CSPG5: variants seen among roughly 807,000 people sequenced by gnomAD.
The protein encoded by CSPG5 is chondroitin sulfate proteoglycan 5.
In CSPG5, 25 loss-of-function variants were observed where a neutral mutation model predicts 39.8. The ratio of observed to expected loss-of-function variants is 0.63; its 90% confidence interval spans 0.46 to 0.88. The LOEUF is 0.88. CSPG5 is among the 40% of genes least tolerant of loss of function. The pLI is 0.00. For missense variants in CSPG5, 627 were observed against 702.2 expected, an observed-to-expected ratio of 0.89 and a Z score of 1.21; for synonymous variants, 295 against 303.9, an observed-to-expected ratio of 0.97 and a Z score of 0.31.
Position 47,577,721 on chromosome 3 carries a change from T to A in CSPG5, c.305A>T (p.Glu102Val), listed in dbSNP as rs2031820623. Residue 102 changes from glutamate (E) to valine (V), a missense_variant, in exon 2 of 5, where the codon GAA (glutamate) becomes GTA (valine). Transcript: ENST00000264723. This position sits in a 1 kb window ranked among gnomAD's most constrained non-coding sequence, Gnocchi z 4.7. ...SAAVTGTAWLEADSPGLGGVT... is the reference protein window; with the variant it reads ...SAAVTGTAWLVADSPGLGGVT... Reference sequence around the variant, plus strand: ...TCCTCCCAGGCCTGGGCTGTCAGCTTCCAGCCAGGCGGTGCCGGTCACCGC... The same window carrying A: ...TCCTCCCAGGCCTGGGCTGTCAGCTACCAGCCAGGCGGTGCCGGTCACCGC... 6.3e-7 allele frequency: 1 copy of A among 1,579,360 alleles called. No individual in the cohort carries two copies. The highest frequency in any genetic ancestry group is 8.6e-7 in the Non-Finnish European group (1 of 1,167,594).
At position 47,572,839 on chromosome 3, in the gene CSPG5, A is replaced by G. The variant is rs756484122; in HGVS notation, c.1229T>C (p.Met410Thr). The part of the protein sequence containing the change: ...NTQDYIWHKG[M>T]RCESIITDFQ... ...GTCGGTGATGATGGACTCGCAGCGC[A>G]TCCCCTTGTGCCAGATGTAGTCCTG... is the stretch of plus-strand genomic sequence containing the variant. The change falls in exon 3 of 5, where the codon ATG (methionine) becomes ACG (threonine). Residue 410 changes from methionine to threonine, a missense_variant. Transcript: ENST00000264723. The surrounding 1 kb of genome is among the most constrained non-coding windows in gnomAD (Gnocchi z 4.5). The G allele has an allele frequency of 1.2e-6, 2 of 1,613,920 alleles. No individual in the cohort carries two copies. Among genetic ancestry groups the G allele is most frequent in the South Asian group, 1.1e-5 (1 of 91,040 alleles).
At chr3:47,570,885 A>C (rs1000966172) in intron 3 of CSPG5, among the ~76,000 whole-genome samples, 1 of 152,178 alleles carries the variant, frequency 6.6e-6, no homozygotes, top group Non-Finnish European at 1.5e-5. Flanking sequence ...AACAATATGA[A>C]CAGCTAGGAA....
intron 4 of CSPG5, 153 bp downstream of exon 4, chr3:47,568,999 T>C: frequency 1.5e-6 from 2 of 1,343,946 alleles, no homozygotes; most frequent in Non-Finnish European, 2.0e-6. Context: ...TTTCATATTC[T>C]GAAATAGACA....
intron 2 of CSPG5, among the ~76,000 whole-genome samples, chr3:47,573,357 C>T (rs1024040163): frequency 6.6e-6 from 1 of 152,210 alleles, no homozygotes; most frequent in Non-Finnish European, 1.5e-5. Context: ...TGCAGTCCCA[C>T]CTAGTTCACG....
chr3:47,574,857 T>A (rs1046863410), intron 2 of CSPG5, among the ~76,000 whole-genome samples: 46 of 152,124 alleles, frequency 3.0e-4, no homozygotes, highest in African/African-American at 1.1e-3. Flanking sequence ...GAGAATGGCA[T>A]GAACCTGGGA....
intron 3 of CSPG5, 59 bp from the exon 4 acceptor site, chr3:47,569,286 A>G: frequency 6.5e-7 from 1 of 1,537,430 alleles, no homozygotes; most frequent in African/African-American, 1.4e-5. Context: ...GCAAAACATG[A>G]CAATGTCTCA....
At position 47,577,512 on chromosome 3, in the gene CSPG5, G is replaced by A; in HGVS notation, c.514C>T (p.Pro172Ser). ...SPASELPKESPLEVWLNLGGS... is the reference protein window; with the variant it reads ...SPASELPKESSLEVWLNLGGS... ...CCCAGGTTCAGCCAAACCTCCAAGG[G>A]GCTCTCCTTGGGGAGTTCAGAAGCT... is the stretch of plus-strand genomic sequence containing the variant. Residue 172 changes from proline (P) to serine (S), a missense_variant, in exon 2 of 5, where the codon CCC (proline) becomes TCC (serine). By Grantham distance (74) the Pro-to-Ser change is moderately conservative. Coordinates refer to ENST00000264723, the MANE Select transcript of CSPG5 (RefSeq NM_006574.4). The surrounding 1 kb of genome is among the most constrained non-coding windows in gnomAD (Gnocchi z 4.7). 1.2e-6 allele frequency: 2 copies of A among 1,612,922 alleles called. No individual in the cohort carries two copies. Among genetic ancestry groups the A allele is most frequent in the Non-Finnish European group, 1.7e-6 (2 of 1,179,636 alleles).
intron 2 of CSPG5, among the ~76,000 whole-genome samples, chr3:47,574,127 G>A (rs2031621783): frequency 6.6e-6 from 1 of 152,218 alleles, no homozygotes; most frequent in African/African-American, 2.4e-5. Context: ...CTAAGCAAGG[G>A]GAACTGGAGT....
chr3:47,569,019 G>A (rs2031416406), intron 4 of CSPG5, 133 bp downstream of exon 4: 2 of 1,410,050 alleles, frequency 1.4e-6, no homozygotes, highest in Non-Finnish European at 1.9e-6. Context: ...ATCAGACATG[G>A]GCCAGGGGCC....
In CSPG5 at chr3:47,562,577, G is replaced by A. The variant is rs751218844; in HGVS notation, c.*23C>T. 1.0e-5 allele frequency: 10 copies of A among 986,476 alleles called. No individual in the cohort carries two copies. Among genetic ancestry groups the A allele is most frequent in the East Asian group, 6.7e-5 (2 of 29,706 alleles). 61.1% of individuals were successfully genotyped at this position (986,476 alleles called of 1,614,324 possible). Reference sequence around the variant, plus strand: ...CCCCTACCCCCCACCCACTACCCCCGCTTCCTCTCTTCTTGCTCTGCTTTA... The same window carrying A: ...CCCCTACCCCCCACCCACTACCCCCACTTCCTCTCTTCTTGCTCTGCTTTA... On this transcript the variant is annotated 3_prime_UTR_variant, in exon 5 of 5. Transcript: ENST00000264723.
intron 3 of CSPG5, among the ~76,000 whole-genome samples, chr3:47,571,442 T>C (rs1209643797): frequency 6.6e-6 from 1 of 152,160 alleles, no homozygotes; most frequent in East Asian, 1.9e-4. Flanking sequence ...AGCAGTCCCA[T>C]CTCCTGCCCC....
intron 2 of CSPG5, among the ~76,000 whole-genome samples, chr3:47,574,668 G>C (rs1559613856): frequency 6.6e-6 from 1 of 152,134 alleles, no homozygotes; most frequent in African/African-American, 2.4e-5. Flanking sequence ...GGCTGGGCGC[G>C]GTGGCTCACG....
At chr3:47,574,629 T>C (rs529495297) in intron 2 of CSPG5, among the ~76,000 whole-genome samples, 1 of 152,324 alleles carries the variant, frequency 6.6e-6, no homozygotes, top group African/African-American at 2.4e-5. Context: ...GTGACCCTAA[T>C]GTCATGACCA....
In CSPG5 at chr3:47,562,566, C is replaced by G. The variant is rs750820599; in HGVS notation, c.*34G>C. The G allele has an allele frequency of 3.7e-5, 58 of 1,575,580 alleles. No homozygotes were observed. Among genetic ancestry groups the G allele is most frequent in the Admixed American group, 8.6e-5 (5 of 58,354 alleles). The stretch of plus-strand genomic sequence containing the variant: ...TAATGTTTCTTCCCCTACCCCCCAC[C>G]CACTACCCCCGCTTCCTCTCTTCTT... On this transcript the variant is annotated 3_prime_UTR_variant, in exon 5 of 5. Coordinates refer to ENST00000264723, the MANE Select transcript of CSPG5 (RefSeq NM_006574.4).
intron 2 of CSPG5, among the ~76,000 whole-genome samples, chr3:47,574,295 G>A (rs2031627807): frequency 6.6e-6 from 1 of 152,130 alleles, no homozygotes; most frequent in Admixed American, 6.6e-5. Flanking sequence ...TCTAGAGGCA[G>A]CAAGGGCTCC....
chr3:47,570,120 G>A (rs1559612054), intron 3 of CSPG5, among the ~76,000 whole-genome samples: 1 of 151,650 alleles, frequency 6.6e-6, no homozygotes, highest in Non-Finnish European at 1.5e-5. Flanking sequence ...TGGGATATAA[G>A]TGCAGAATAT....
Position 47,569,290 on chromosome 3 carries a change from T to C in CSPG5, c.1383-63A>G, listed in dbSNP as rs765949844. The C allele has an allele frequency of 1.3e-4, 203 of 1,523,514 alleles. 1 individual carries two copies. Among genetic ancestry groups the C allele is most frequent in the Non-Finnish European group, 1.7e-4 (191 of 1,103,140 alleles). The allele number at this position is 1,523,514 out of a possible 1,614,324, so 94.4% of individuals were successfully genotyped here. Reference sequence around the variant, plus strand: ...AAATAATCACGGCAAAACATGACAATGTCTCAGCTTCTGGATCAAATACTG... The same window carrying C: ...AAATAATCACGGCAAAACATGACAACGTCTCAGCTTCTGGATCAAATACTG... On this transcript the variant is annotated intron_variant, in intron 3 of 4. Coordinates refer to ENST00000264723, the MANE Select transcript of CSPG5 (RefSeq NM_006574.4).
chr3:47,562,565 CCCACTA>C lies in CSPG5; in HGVS notation c.*29_*34del. ...ATAATGTTTCTTCCCCTACCCCCCACCCACTACCCCCGCTTCCTCTCTTCTTGCTCT... is the reference window on the plus strand; with the variant it reads ...ATAATGTTTCTTCCCCTACCCCCCACCCCCCGCTTCCTCTCTTCTTGCTCT... On this transcript the variant is annotated 3_prime_UTR_variant, in exon 5 of 5. Transcript: ENST00000264723. 1 of 1,563,954 alleles carries C rather than the reference CCCACTA, an allele frequency of 6.4e-7. No homozygotes were observed. Among genetic ancestry groups the C allele is most frequent in the Non-Finnish European group, 8.8e-7 (1 of 1,140,468 alleles).
chr3:47,569,164 G>C lies in CSPG5; in HGVS notation c.1446C>G (p.Gly482=). 1 of 1,611,934 alleles carries C rather than the reference G, an allele frequency of 6.2e-7. No homozygotes were observed. Among genetic ancestry groups the C allele is most frequent in the Non-Finnish European group, 8.5e-7 (1 of 1,178,994 alleles). Residue 482 remains glycine (G), a synonymous_variant, in exon 4 of 5, where the codon GGC becomes GGG. Transcript: ENST00000264723. ...DNFSLSTIAE[G]SHPNDDPSAP... is the part of the protein sequence containing the mutation. ...AAAGTTTCCTTACATTTGGGTGAGAGCCCTCGGCAATGGTGGAGAGGGAGA... is the reference window on the plus strand; with the variant it reads ...AAAGTTTCCTTACATTTGGGTGAGACCCCTCGGCAATGGTGGAGAGGGAGA...
Sources: allele counts gnomAD v4.1 joint callset (sites outside exome capture counted in the v4.1 genomes callset), GRCh38; gene constraint gnomAD v4.1.1; non-coding constraint Gnocchi (gnomAD v3.1); transcripts MANE v1.5; gene names NCBI Gene and HGNC (gene_info 2026-07-23, HGNC 2026-07-21).